PLEKHA8: variants seen among roughly 807,000 people sequenced by gnomAD.
PLEKHA8 encodes pleckstrin homology domain-containing family A member 8.
PLEKHA8 carries 36 observed loss-of-function variants against 68.2 expected under a neutral mutation model. That is an observed-to-expected ratio of 0.53 (90% CI 0.40 to 0.70). The LOEUF (loss-of-function observed/expected upper bound fraction) is 0.70. Among genes scored for constraint, PLEKHA8 ranks in the 30% least tolerant of loss-of-function variants. The probability of loss-of-function intolerance (pLI) is 0.00; values close to 1 mark genes in which losing one functional copy is unlikely to be tolerated. For missense variants in PLEKHA8, 505 were observed against 615.4 expected, an observed-to-expected ratio of 0.82 and a Z score of 1.90; for synonymous variants, 211 against 216.1, an observed-to-expected ratio of 0.98 and a Z score of 0.20.
intron 12 of PLEKHA8, among the ~76,000 whole-genome samples, chr7:30,067,223 G>A (rs1004610314): frequency 2.0e-5 from 3 of 152,174 alleles, no homozygotes; most frequent in African/African-American, 7.2e-5. Context: ...ATGCCAAAGC[G>A]CTTTGGGAGG....
In PLEKHA8 at chr7:30,081,368, T is replaced by C. The variant is rs913998728; in HGVS notation, c.*2581T>C. The stretch of plus-strand genomic sequence containing the variant: ...ACTGAGGATCCTTAAATAAAAATAT[T>C]AGAAATTAGAAATTGAACCTAATAC... On this transcript the variant is annotated 3_prime_UTR_variant, in exon 14 of 14. Coordinates refer to ENST00000449726, the MANE Select transcript of PLEKHA8 (RefSeq NM_001197026.2). The C allele has an allele frequency of 1.0e-6, 1 of 983,986 alleles. No homozygotes were observed. Among genetic ancestry groups the C allele is most frequent in the Admixed American group, 6.2e-5 (1 of 16,240 alleles). The allele number at this position is 983,986 out of a possible 1,614,324, so 61.0% of individuals were successfully genotyped here. A position where few individuals can be genotyped will look rare whatever the true frequency, so the allele number is the denominator to read the frequency against.
At chr7:30,112,395 C>A (rs1247956310) in intron 13 of PLEKHA8, among the ~76,000 whole-genome samples, 2 of 150,108 alleles carry the variant, frequency 1.3e-5, no homozygotes, top group Non-Finnish European at 3.0e-5. Context: ...AAAAAAAAAA[C>A]CTTAAAAATA....
Position 30,079,567 on chromosome 7 carries a change from A to C in PLEKHA8, c.*780A>C. On this transcript the variant is annotated 3_prime_UTR_variant, in exon 14 of 14. Coordinates refer to ENST00000449726, the MANE Select transcript of PLEKHA8 (RefSeq NM_001197026.2). ...TCAATTGGACATCACAAGTAATGAT[A>C]CCCAGAGGGATTATTACTCCACTTC... 4.6e-6 allele frequency: 4 copies of C among 864,142 alleles called. No homozygotes were observed. Among genetic ancestry groups the C allele is most frequent in the Non-Finnish European group, 5.6e-6 (4 of 719,538 alleles). The allele number at this position is 864,142 out of a possible 1,614,324, so 53.5% of individuals were successfully genotyped here. A position where few individuals can be genotyped will look rare whatever the true frequency, so the allele number is the denominator to read the frequency against.
At chr7:30,104,275 T>C (rs895588452) in intron 13 of PLEKHA8, among the ~76,000 whole-genome samples, 9 of 152,246 alleles carry the variant, frequency 5.9e-5, no homozygotes, top group Non-Finnish European at 4.4e-5. Flanking sequence ...GAAATTGATC[T>C]GGTAATTTCT....
chr7:30,084,689 T>C, downstream of PLEKHA8: 1 of 870,556 alleles, frequency 1.1e-6, no homozygotes, highest in South Asian at 5.3e-5. Context: ...TTCTGCCTAA[T>C]TGAATATGTC....
intron 1 of PLEKHA8, among the ~76,000 whole-genome samples, chr7:30,044,075 C>T (rs1291076514): frequency 2.0e-5 from 3 of 146,656 alleles, no homozygotes; most frequent in East Asian, 2.0e-4. Flanking sequence ...AAAAAGATCT[C>T]GGCTCACTGC....
downstream of PLEKHA8, among the ~76,000 whole-genome samples, chr7:30,095,179 A>C (rs554330957): frequency 2.6e-5 from 4 of 152,214 alleles, no homozygotes; most frequent in Non-Finnish European, 5.9e-5. Flanking sequence ...CATCCTCTCC[A>C]GCACCTGTTG....
intron 13 of PLEKHA8, among the ~76,000 whole-genome samples, chr7:30,102,081 C>G (rs957424224): frequency 7.2e-5 from 11 of 152,050 alleles, no homozygotes; most frequent in Non-Finnish European, 1.6e-4. Flanking sequence ...TCTTATAACT[C>G]AGCAACAGGA....
intron 13 of PLEKHA8, among the ~76,000 whole-genome samples, chr7:30,127,802 TTTACATC>T (rs1238632383): frequency 1.3e-5 from 2 of 152,210 alleles, no homozygotes; most frequent in African/African-American, 4.8e-5. Flanking sequence ...ATTAACCAAT[TTTACATC>T]TATTTTTACA....
At chr7:30,108,100 T>C (rs956925703) in intron 13 of PLEKHA8, among the ~76,000 whole-genome samples, 5 of 134,016 alleles carry the variant, frequency 3.7e-5, no homozygotes, top group African/African-American at 1.5e-4. Flanking sequence ...AAACCTACAT[T>C]CATTGACATG....
rs143710978 is a variant in PLEKHA8, at chr7:30,105,813, A to G, written c.1363-23453A>G. ...GTTGGTTATCTTTTTCTTTTCAACT[A>G]TAGATACATTGGTTATATGAGTAGC... On this transcript the variant is annotated intron_variant, in intron 13 of 13. Coordinates refer to the PLEKHA8 transcript ENST00000396257. Among the ~76,000 whole-genome samples the G allele has an allele frequency of 2.0e-3, 302 of 152,240 alleles. 1 individual carries two copies. The highest frequency in any genetic ancestry group is 9.8e-3 in the East Asian group (51 of 5,192).
chr7:30,129,162 C>G (rs1796831764), intron 13 of PLEKHA8: 1 of 1,522,526 alleles, frequency 6.6e-7, no homozygotes, highest in Non-Finnish European at 9.1e-7. Flanking sequence ...ACTACTGATA[C>G]AAAGGAAACA....
chr7:30,045,702 A>G (rs1462024202), intron 2 of PLEKHA8, among the ~76,000 whole-genome samples: 1 of 152,182 alleles, frequency 6.6e-6, no homozygotes, highest in Non-Finnish European at 1.5e-5. Flanking sequence ...GATGTGGGTG[A>G]AAGACTTTGG....
intron 9 of PLEKHA8, 132 bp downstream of exon 9, chr7:30,055,474 CACAT>C: frequency 1.3e-6 from 1 of 743,858 alleles, no homozygotes; most frequent in South Asian, 1.6e-5. Context: ...AATCACCAGA[CACAT>C]ACAGTTAAAA....
chr7:30,109,432 C>CA (rs1277836434), intron 13 of PLEKHA8, among the ~76,000 whole-genome samples: 2 of 151,478 alleles, frequency 1.3e-5, no homozygotes, highest in African/African-American at 2.4e-5. Context: ...ACAAAAAATA[C>CA]AAAAAATTAG....
At chr7:30,036,457 TAGA>T (rs1791105974) in intron 1 of PLEKHA8, among the ~76,000 whole-genome samples, 2 of 142,154 alleles carry the variant, frequency 1.4e-5, no homozygotes, top group African/African-American at 2.6e-5. Context: ...GATAGATAGA[TAGA>T]TAGATTAGAT....
At chr7:30,031,888 G>A (rs142790188) in intron 1 of PLEKHA8, among the ~76,000 whole-genome samples, 1,611 of 152,156 alleles carry the variant, frequency 0.011, 14 homozygotes, top group Non-Finnish European at 0.015. Flanking sequence ...GTTTATGTGA[G>A]TGTATTTCTA....
chr7:30,073,664 C>G (rs779123425), intron 12 of PLEKHA8, among the ~76,000 whole-genome samples: 6 of 149,520 alleles, frequency 4.0e-5, no homozygotes, highest in Non-Finnish European at 7.4e-5. Flanking sequence ...TCATAATTTC[C>G]AAATACCAAT....
intron 4 of PLEKHA8, 144 bp from the exon 5 acceptor site, chr7:30,049,080 G>A: frequency 1.1e-6 from 1 of 926,830 alleles, no homozygotes; most frequent in East Asian, 2.5e-5. Flanking sequence ...AGATAAATTG[G>A]GCTTTTCTTT....
Sources: allele counts gnomAD v4.1 joint callset (sites outside exome capture counted in the v4.1 genomes callset), GRCh38; gene constraint gnomAD v4.1.1; transcripts MANE v1.5; gene names NCBI Gene and HGNC (gene_info 2026-07-23, HGNC 2026-07-21).